PLEKHA7: variants seen among roughly 807,000 people sequenced by gnomAD.
PLEKHA7 encodes pleckstrin homology domain-containing family A member 7.
Under a neutral mutation model 170.0 loss-of-function variants are expected in PLEKHA7, and 104 were observed. That is an observed-to-expected ratio of 0.61 (90% CI 0.52 to 0.72). The LOEUF is 0.72. PLEKHA7 is among the 30% of genes least tolerant of loss of function. The pLI is 0.00. For missense variants in PLEKHA7, 1,615 were observed against 1,671.7 expected (o/e 0.97, Z 0.59); for synonymous variants, 648 against 660.8 (o/e 0.98, Z 0.30).
rs1401640258 is a variant in PLEKHA7, at chr11:16,778,726, GA to G, written c.*271del. The G allele has an allele frequency of 9.5e-6, 5 of 524,712 alleles. No individual in the cohort carries two copies. Among genetic ancestry groups the G allele is most frequent in the Non-Finnish European group, 1.7e-5 (5 of 290,686 alleles). 32.5% of individuals were successfully genotyped at this position (524,712 alleles called of 1,614,324 possible). ...CACTCAGCCCTTGAGGGGAACATTA[GA>G]AAATAGATTCCGATTCTAAAATACA... On this transcript the variant is annotated 3_prime_UTR_variant, in exon 27 of 27. Coordinates refer to ENST00000531066, the MANE Select transcript of PLEKHA7 (RefSeq NM_001329630.2).
intron 25 of PLEKHA7, 21 bp downstream of exon 25, chr11:16,783,679 C>G: frequency 1.4e-6 from 2 of 1,392,180 alleles, no homozygotes; most frequent in Non-Finnish European, 1.9e-6. Flanking sequence ...CCTGCCAACA[C>G]TTGAGCAAGC....
At chr11:16,923,561 G>A (rs1859259168) in intron 3 of PLEKHA7, among the ~76,000 whole-genome samples, 1 of 152,138 alleles carries the variant, frequency 6.6e-6, no homozygotes, top group South Asian at 2.1e-4. Flanking sequence ...CCCATGGAGA[G>A]CAGAGCAGAG....
At chr11:17,002,902 C>A (rs1864755122) in intron 3 of PLEKHA7, among the ~76,000 whole-genome samples, 2 of 151,872 alleles carry the variant, frequency 1.3e-5, no homozygotes, top group Admixed American at 1.3e-4. Flanking sequence ...CAATTTTCCC[C>A]CACACCACTT....
chr11:16,834,790 C>T (rs981843923), intron 9 of PLEKHA7, among the ~76,000 whole-genome samples: 1 of 152,062 alleles, frequency 6.6e-6, no homozygotes, highest in Admixed American at 6.5e-5. Flanking sequence ...AACCAGAGTC[C>T]ACAGCATGGC....
intron 3 of PLEKHA7, among the ~76,000 whole-genome samples, chr11:16,943,446 C>CGATACAG (rs1470931049): frequency 6.6e-6 from 1 of 152,104 alleles, no homozygotes; most frequent in Non-Finnish European, 1.5e-5. Flanking sequence ...CTCCCTCCCC[C>CGATACAG]GATACAGGAA....
Position 16,826,088 on chromosome 11 carries a change from TTATAAGCAGCGA to T in PLEKHA7, c.1343+20_1343+31del, listed in dbSNP as rs1433873974. On this transcript the variant is annotated intron_variant, in intron 10 of 26. Coordinates refer to ENST00000531066, the MANE Select transcript of PLEKHA7 (RefSeq NM_001329630.2). The stretch of plus-strand genomic sequence containing the variant: ...TCTTGCCACTACATTATCGTGCTCG[TTATAAGCAGCGA>T]TCCTGAGTCTATTACTCACCTCCTG... The T allele has an allele frequency of 1.3e-6, 2 of 1,592,212 alleles. No individual in the cohort carries two copies. The highest frequency in any genetic ancestry group is 2.7e-5 in the African/African-American group (2 of 74,454).
rs912196394 is a variant in PLEKHA7, at chr11:16,887,923, G to C, written c.222-16741C>G. Among the ~76,000 whole-genome samples, 4 of 150,558 alleles carry C rather than the reference G, an allele frequency of 2.7e-5. No individual in the cohort carries two copies. In the South Asian group the frequency reaches 6.4e-4, roughly 24 times the overall value. ...TGGGAAGTGAGGAGTGCCTCTTCCC[G>C]GCTGCCATCCCGTCTAGGAAGTGAG... On this transcript the variant is annotated intron_variant, in intron 3 of 26. Transcript: ENST00000531066.
At chr11:16,805,535 T>C (rs1174350658) in intron 13 of PLEKHA7, among the ~76,000 whole-genome samples, 1 of 152,158 alleles carries the variant, frequency 6.6e-6, no homozygotes, top group Non-Finnish European at 1.5e-5. Flanking sequence ...CTCACACCTG[T>C]AATCCCAGCA....
chr11:16,973,869 C>T (rs897716530), intron 3 of PLEKHA7, among the ~76,000 whole-genome samples: 5 of 152,302 alleles, frequency 3.3e-5, no homozygotes, highest in Admixed American at 2.6e-4. Flanking sequence ...CCTGCCACAT[C>T]ACCCACTTCC....
In PLEKHA7 at chr11:16,786,332, T is replaced by A. The variant is rs772870276; in HGVS notation, c.3413A>T (p.Glu1138Val). 36 of 1,536,026 alleles carry A rather than the reference T, an allele frequency of 2.3e-5. No homozygotes were observed. Among genetic ancestry groups the A allele is most frequent in the Non-Finnish European group, 7.0e-6 (8 of 1,146,918 alleles). Reference sequence around the variant, plus strand: ...GCCATTCTCCTCCTTGTCCTTTTTTTCCCCTTGCACGACCCGTTCCAGCAA... The same window carrying A: ...GCCATTCTCCTCCTTGTCCTTTTTTACCCCTTGCACGACCCGTTCCAGCAA... Reference protein sequence around the residue: ...LQLLERVVQGEKKDKEENGWL... With the variant: ...LQLLERVVQGVKKDKEENGWL... The change falls in exon 24 of 27, where the codon GAA becomes GTA. Residue 1138 changes from glutamate to valine, a missense_variant. Coordinates refer to ENST00000531066, the MANE Select transcript of PLEKHA7 (RefSeq NM_001329630.2).
chr11:16,831,366 C>G (rs965919668), intron 9 of PLEKHA7, among the ~76,000 whole-genome samples: 6 of 152,128 alleles, frequency 3.9e-5, no homozygotes, highest in African/African-American at 1.4e-4. Flanking sequence ...ACACTTGTCA[C>G]AAAACAGATC....
chr11:16,807,447 C>G (rs1849067814), intron 13 of PLEKHA7, among the ~76,000 whole-genome samples: 1 of 152,162 alleles, frequency 6.6e-6, no homozygotes, highest in Non-Finnish European at 1.5e-5. Flanking sequence ...CAGCTCTCTC[C>G]TTTTTATAAA....
chr11:16,786,331 T>C lies in PLEKHA7; in HGVS notation c.3414A>G (p.Glu1138=). 2.6e-6 allele frequency: 4 copies of C among 1,536,166 alleles called. No individual in the cohort carries two copies. Among genetic ancestry groups the C allele is most frequent in the Non-Finnish European group, 3.5e-6 (4 of 1,146,908 alleles). The change falls in exon 24 of 27, where the codon GAA becomes GAG. Residue 1138 remains glutamate (E), a synonymous_variant. Coordinates refer to ENST00000531066, the MANE Select transcript of PLEKHA7 (RefSeq NM_001329630.2). ...AGCCATTCTCCTCCTTGTCCTTTTTTTCCCCTTGCACGACCCGTTCCAGCA... is the reference window on the plus strand; with the variant it reads ...AGCCATTCTCCTCCTTGTCCTTTTTCTCCCCTTGCACGACCCGTTCCAGCA... ...LQLLERVVQG[E]KKDKEENGWL...
chr11:16,898,979 T>C (rs1399532795), intron 3 of PLEKHA7, among the ~76,000 whole-genome samples: 1 of 152,170 alleles, frequency 6.6e-6, no homozygotes, highest in Non-Finnish European at 1.5e-5. Flanking sequence ...AACACCAATT[T>C]TGTAAAGATG....
At chr11:16,916,151 T>A (rs1277246156) in intron 3 of PLEKHA7, among the ~76,000 whole-genome samples, 1 of 152,254 alleles carries the variant, frequency 6.6e-6, no homozygotes, top group Non-Finnish European at 1.5e-5. Flanking sequence ...TTTGGCTGCA[T>A]AAAGGTCTTC....
At chr11:17,012,969 T>C (rs1034994875) in intron 3 of PLEKHA7, 9 of 151,874 alleles carry the variant, frequency 5.9e-5, no homozygotes, top group African/African-American at 2.2e-4. Flanking sequence ...GCTTTATTCC[T>C]AACAGTAGTA....
intron 3 of PLEKHA7, among the ~76,000 whole-genome samples, chr11:16,958,233 A>G (rs1005713512): frequency 6.6e-6 from 1 of 152,076 alleles, no homozygotes; most frequent in Non-Finnish European, 1.5e-5. Context: ...GGGAGGATCA[A>G]TTGAGCCCGG....
chr11:16,889,282 C>A (rs938108283), intron 3 of PLEKHA7, among the ~76,000 whole-genome samples: 1 of 150,890 alleles, frequency 6.6e-6, no homozygotes, highest in Non-Finnish European at 1.5e-5. Context: ...CATCTTTTAC[C>A]GTAATTTTCC....
intron 3 of PLEKHA7, among the ~76,000 whole-genome samples, chr11:16,897,135 T>C (rs190696876): frequency 7.6e-4 from 116 of 152,294 alleles, no homozygotes; most frequent in African/African-American, 2.7e-3. Context: ...CTGACACTAT[T>C]ACCATTTAAC....
Sources: allele counts gnomAD v4.1 joint callset (sites outside exome capture counted in the v4.1 genomes callset), GRCh38; gene constraint gnomAD v4.1.1; transcripts MANE v1.5; gene names NCBI Gene and HGNC (gene_info 2026-07-23, HGNC 2026-07-21).